Variants in IRGQ observed in about 807,000 individuals in gnomAD.
IRGQ encodes immunity-related GTPase family Q protein.
IRGQ carries 5 observed loss-of-function variants against 10.5 expected under a neutral mutation model. The observed-to-expected ratio is 0.48, with a 90% CI of 0.25 to 1.00. IRGQ has a LOEUF of 1.00. Among genes scored for constraint, IRGQ ranks in the 50% least tolerant of loss-of-function variants. The pLI is 0.16. For missense variants in IRGQ, 792 were observed against 877.7 expected, an observed-to-expected ratio of 0.90 and a Z score of 1.23; for synonymous variants, 418 against 426.0, an observed-to-expected ratio of 0.98 and a Z score of 0.23.
chr19:43,593,058 G>T lies in IRGQ; in HGVS notation c.840C>A (p.Gly280=). 8 of 1,605,150 alleles carry T rather than the reference G, an allele frequency of 5.0e-6. No homozygotes were observed. The highest frequency in any genetic ancestry group is 6.8e-6 in the Non-Finnish European group (8 of 1,174,618). Residue 280 remains glycine, a synonymous_variant, in exon 3 of 3, where the codon GGC becomes GGA. Transcript: ENST00000422989. This position sits in a 1 kb window ranked among gnomAD's most constrained non-coding sequence, Gnocchi z 6.4. ...CCGCGGTGGTGGCAGTGCCCGTGTGGCCCAGAGGCACGGTCCAGAGCACCA... is the reference window on the plus strand; with the variant it reads ...CCGCGGTGGTGGCAGTGCCCGTGTGTCCCAGAGGCACGGTCCAGAGCACCA... ...PNVVLWTVPL[G]HTGTATTAAA... is the part of the protein sequence containing the mutation.
Position 43,595,191 on chromosome 19 carries a change from T to C in IRGQ, c.148A>G (p.Arg50Gly). 6.2e-7 allele frequency: 1 copy of C among 1,611,986 alleles called. No individual in the cohort carries two copies. Among genetic ancestry groups the C allele is most frequent in the Non-Finnish European group, 8.5e-7 (1 of 1,179,526 alleles). The change falls in exon 2 of 3, where the codon AGA (arginine) becomes GGA (glycine). Residue 50 changes from arginine to glycine, a missense_variant. Arg to Gly is a moderately radical substitution (Grantham distance 125, BLOSUM62 -2). Transcript: ENST00000422989. ...GRPDSGVPSL[R>G]AAGPGLFLGE... ...AGAAAAAGGCCTGGGCCCGCAGCTCTTAGGCTGGGAACCCCGGAGTCCGGC... is the reference window on the plus strand; with the variant it reads ...AGAAAAAGGCCTGGGCCCGCAGCTCCTAGGCTGGGAACCCCGGAGTCCGGC...
chr19:43,592,685 C>T lies in IRGQ; in HGVS notation c.1213G>A (p.Gly405Ser), dbSNP rs1973076637. ...QQVVGMKKSG[G>S]GDSERAAALS... ...GCAGCGGCCCGCTCTGAGTCGCCAC[C>T]ACCTGATTTCTTCATGCCGACAACC... The change falls in exon 3 of 3, where the codon GGT becomes AGT. Residue 405 changes from glycine (G) to serine (S), a missense_variant. Physicochemically the swap from Gly to Ser is moderately conservative, Grantham distance 56 (BLOSUM62 0). Coordinates refer to ENST00000422989, the MANE Select transcript of IRGQ (RefSeq NM_001007561.3). 3 of 1,607,896 alleles carry T rather than the reference C, an allele frequency of 1.9e-6. No individual in the cohort carries two copies. In the South Asian group the frequency reaches 3.3e-5, roughly 18 times the overall value.
In IRGQ at chr19:43,592,614, C is replaced by T. The variant is rs749810122; in HGVS notation, c.1284G>A (p.Pro428=). The T allele has an allele frequency of 1.2e-6, 2 of 1,601,510 alleles. No homozygotes were observed. Among genetic ancestry groups the T allele is most frequent in the South Asian group, 2.2e-5 (2 of 91,070 alleles). ...CAGGCCGTAGGGGGAACACTGGCGG[C>T]GGCGCCTCCTCCAGCACCTCCCACG... The part of the protein sequence containing the change: ...DETWEVLEEA[P]PPVFPLRPGG... Residue 428 remains proline (P), a synonymous_variant, in exon 3 of 3, where the codon CCG becomes CCA. Transcript: ENST00000422989.
rs766377558 is a variant in IRGQ, at chr19:43,592,734, T to C, written c.1164A>G (p.Lys388=). 2 of 1,611,918 alleles carry C rather than the reference T, an allele frequency of 1.2e-6. No homozygotes were observed. The highest frequency in any genetic ancestry group is 3.3e-5 in the Admixed American group (2 of 60,032). The change falls in exon 3 of 3, where the codon AAA becomes AAG. Residue 388 remains lysine (K), a synonymous_variant. Transcript: ENST00000422989. ...QKAGSGEGPG[K]AGSEGLQQVV... ...CCTGCTGCAAACCCTCGCTGCCAGC[T>C]TTCCCAGGACCTTCCCCGCTGCCTG...
Position 43,588,309 on chromosome 19 carries a change from G to C in IRGQ, c.*3717C>G, listed in dbSNP as rs887480363. 2 of 152,062 alleles carry C rather than the reference G, an allele frequency of 1.3e-5. No individual in the cohort carries two copies. The highest frequency in any genetic ancestry group is 4.8e-5 in the African/African-American group (2 of 41,406). 9.4% of individuals were successfully genotyped at this position (152,062 alleles called of 1,614,324 possible). A position where few individuals can be genotyped will look rare whatever the true frequency, so the allele number is the denominator to read the frequency against. On this transcript the variant is annotated 3_prime_UTR_variant, in exon 3 of 3. Transcript: ENST00000422989. ...TAGCTGGGCATGATGGTGCATGCCT[G>C]TAATCCCAGCTACTTGGGAGGCTGA...
In IRGQ at chr19:43,592,725, G is replaced by A. The variant is rs140503327; in HGVS notation, c.1173C>T (p.Ser391=). Residue 391 remains serine (S), a synonymous_variant, in exon 3 of 3, where the codon AGC becomes AGT. Coordinates refer to ENST00000422989, the MANE Select transcript of IRGQ (RefSeq NM_001007561.3). The part of the protein sequence containing the change: ...GSGEGPGKAG[S]EGLQQVVGMK... ...TGCCGACAACCTGCTGCAAACCCTC[G>A]CTGCCAGCTTTCCCAGGACCTTCCC... 5.0e-6 allele frequency: 8 copies of A among 1,610,846 alleles called. No homozygotes were observed. In the African/African-American group the frequency reaches 9.3e-5, roughly 19 times the overall value.
At position 43,592,486 on chromosome 19, in the gene IRGQ, CG is replaced by C; in HGVS notation, c.1411del (p.Arg471GlufsTer81). The C allele has an allele frequency of 6.3e-7, 1 of 1,593,092 alleles. No homozygotes were observed. The highest frequency in any genetic ancestry group is 1.3e-5 in the African/African-American group (1 of 74,894). ...ALPPASPSAA[R>X]TKAAALRAGA... is the part of the protein sequence containing the mutation. The stretch of plus-strand genomic sequence containing the variant: ...GGCTCGCAACGCCGCAGCCTTGGTT[CG>C]GGCAGCGCTGGGAGATGCTGGTGGC... On this transcript the variant is annotated frameshift_variant, in exon 3 of 3. Transcript: ENST00000422989. LOFTEE classifies it high-confidence loss of function.
Position 43,595,111 on chromosome 19 carries a change from G to C in IRGQ, c.228C>G (p.Asn76Lys). ...AAPGPWAAEA[N>K]VLVLVLPGPE... Reference sequence around the variant, plus strand: ...GTCCGGGCAGCACCAGTACCAGCACGTTGGCTTCCGCCGCCCAGGGCCCCG... The same window carrying C: ...GTCCGGGCAGCACCAGTACCAGCACCTTGGCTTCCGCCGCCCAGGGCCCCG... Residue 76 changes from asparagine to lysine, a missense_variant, in exon 2 of 3, where the codon AAC (asparagine) becomes AAG (lysine). Asn to Lys is a moderately conservative substitution (Grantham distance 94, BLOSUM62 0). Transcript: ENST00000422989. 6.2e-7 allele frequency: 1 copy of C among 1,603,180 alleles called. No individual in the cohort carries two copies. Among genetic ancestry groups the C allele is most frequent in the Non-Finnish European group, 8.5e-7 (1 of 1,173,978 alleles).
rs1973061779 is a variant in IRGQ, at chr19:43,592,010, AG to A, written c.*15del. The A allele has an allele frequency of 3.2e-6, 5 of 1,564,866 alleles. No individual in the cohort carries two copies. Among genetic ancestry groups the A allele is most frequent in the East Asian group, 2.3e-5 (1 of 44,212 alleles). On this transcript the variant is annotated 3_prime_UTR_variant, in exon 3 of 3. Transcript: ENST00000422989. ...TCCCCTGTCAGAGTCTGGACTCCCAAGCCCCCTCCCACTCCTCACTGGGCAG... is the reference window on the plus strand; with the variant it reads ...TCCCCTGTCAGAGTCTGGACTCCCAACCCCCTCCCACTCCTCACTGGGCAG...
rs1329681270 is a variant in IRGQ, at chr19:43,589,699, GTAAA to G, written c.*2323_*2326del. Reference sequence around the variant, plus strand: ...CAACGGGTCAAAAGCCAATAAACAGGTAAATAAATAAGATCATTTTTGACAGTAA... The same window carrying G: ...CAACGGGTCAAAAGCCAATAAACAGGTAAATAAGATCATTTTTGACAGTAA... On this transcript the variant is annotated 3_prime_UTR_variant, in exon 3 of 3. Coordinates refer to ENST00000422989, the MANE Select transcript of IRGQ (RefSeq NM_001007561.3). The G allele has an allele frequency of 6.6e-6, 1 of 152,154 alleles. No homozygotes were observed. Among genetic ancestry groups the G allele is most frequent in the Non-Finnish European group, 1.5e-5 (1 of 68,048 alleles). 9.4% of individuals were successfully genotyped at this position (152,154 alleles called of 1,614,324 possible). A position where few individuals can be genotyped will look rare whatever the true frequency, so the allele number is the denominator to read the frequency against.
Position 43,595,427 on chromosome 19 carries a change from A to C in IRGQ, c.-2-87T>G. 2.3e-6 allele frequency: 3 copies of C among 1,279,246 alleles called. No homozygotes were observed. In the South Asian group the frequency reaches 4.5e-5, roughly 19 times the overall value. The allele number at this position is 1,279,246 out of a possible 1,614,324, so 79.2% of individuals were successfully genotyped here. ...CCGCCCCACTCGGAACCCAGGCCTC[A>C]GTCCTTCACCCTGTCCCCTTCGGTT... On this transcript the variant is annotated intron_variant, in intron 1 of 2. Coordinates refer to ENST00000422989, the MANE Select transcript of IRGQ (RefSeq NM_001007561.3).
In IRGQ at chr19:43,588,068, G is replaced by C. The variant is rs1455462763; in HGVS notation, c.*3958C>G. Reference sequence around the variant, plus strand: ...CTCAGCACTTTGGGAGGCTGAGGTGGGCAGATAACTTGAGGCCATGAGTTC... The same window carrying C: ...CTCAGCACTTTGGGAGGCTGAGGTGCGCAGATAACTTGAGGCCATGAGTTC... On this transcript the variant is annotated 3_prime_UTR_variant, in exon 3 of 3. Transcript: ENST00000422989. The C allele has an allele frequency of 6.6e-6, 1 of 152,170 alleles. No homozygotes were observed. The highest frequency in any genetic ancestry group is 1.5e-5 in the Non-Finnish European group (1 of 68,046). 9.4% of individuals were successfully genotyped at this position (152,170 alleles called of 1,614,324 possible).
chr19:43,591,991 G>A lies in IRGQ; in HGVS notation c.*35C>T. ...CCAGGATTAAGCCCAGGCATCCCCT[G>A]TCAGAGTCTGGACTCCCAAGCCCCC... On this transcript the variant is annotated 3_prime_UTR_variant, in exon 3 of 3. Coordinates refer to ENST00000422989, the MANE Select transcript of IRGQ (RefSeq NM_001007561.3). 1 of 1,542,284 alleles carries A rather than the reference G, an allele frequency of 6.5e-7. No homozygotes were observed.
chr19:43,594,731 G>A, intron 2 of IRGQ, 78 bp downstream of exon 2: 3 of 1,249,480 alleles, frequency 2.4e-6, no homozygotes, highest in Non-Finnish European at 3.3e-6. Flanking sequence ...CTGGGGGAGG[G>A]ATCTCATGGA....
intron 1 of IRGQ, chr19:43,595,662 G>A (rs963454036): frequency 4.2e-4 from 97 of 229,390 alleles, no homozygotes; most frequent in African/African-American, 2.1e-3. Flanking sequence ...CCAGGAATTC[G>A]AGACCAGCCT....
Position 43,592,959 on chromosome 19 carries a change from C to T in IRGQ, c.939G>A (p.Trp313Ter). ...VTPGAPTEKD[W>*]AQVQALLLPD... The stretch of plus-strand genomic sequence containing the variant: ...GTAGCAGCAAGGCCTGGACCTGGGC[C>T]CAGTCCTTCTCAGTGGGGGCCCCAG... The change falls in exon 3 of 3, where the codon TGG becomes TGA. Residue 313 changes from tryptophan to a stop codon, truncating the protein, a stop_gained. Coordinates refer to ENST00000422989, the MANE Select transcript of IRGQ (RefSeq NM_001007561.3). LOFTEE classifies it low-confidence loss of function (END_TRUNC). 1 of 1,609,720 alleles carries T rather than the reference C, an allele frequency of 6.2e-7. No homozygotes were observed. The highest frequency in any genetic ancestry group is 8.5e-7 in the Non-Finnish European group (1 of 1,179,990).
chr19:43,593,367 C>A lies in IRGQ; in HGVS notation c.531G>T (p.Arg177Ser), dbSNP rs764062784. ...AGCCATCCTGCGCCGGTGGCAGGAGCCTGTGGGGACAAGAAGGGACAGGGT... is the reference window on the plus strand; with the variant it reads ...AGCCATCCTGCGCCGGTGGCAGGAGACTGTGGGGACAAGAAGGGACAGGGT... ...ALQSQAEALR[R>S]LLPPAQDGFE... Residue 177 changes from arginine (R) to serine (S), a missense_variant and splice_region_variant, in exon 3 of 3, where the codon AGG (arginine) becomes AGT (serine). Arg to Ser is a moderately radical substitution (Grantham distance 110). Transcript: ENST00000422989. The surrounding 1 kb of genome is among the most constrained non-coding windows in gnomAD (Gnocchi z 6.4). 4 of 1,507,826 alleles carry A rather than the reference C, an allele frequency of 2.7e-6. No homozygotes were observed. The highest frequency in any genetic ancestry group is 1.8e-6 in the Non-Finnish European group (2 of 1,126,682). 93.4% of individuals were successfully genotyped at this position (1,507,826 alleles called of 1,614,324 possible).
rs1428046729 is a variant in IRGQ at position 43,593,028 on chromosome 19, G to A, written c.870C>T (p.Ala290=). Residue 290 remains alanine, a synonymous_variant, in exon 3 of 3, where the codon GCC becomes GCT. Transcript: ENST00000422989. The surrounding 1 kb of genome is among the most constrained non-coding windows in gnomAD (Gnocchi z 6.4). ...CGTCGTAGTGCGTTGGGTGAGAGGCGGCGGCCGCGGTGGTGGCAGTGCCCG... is the reference window on the plus strand; with the variant it reads ...CGTCGTAGTGCGTTGGGTGAGAGGCAGCGGCCGCGGTGGTGGCAGTGCCCG... The part of the protein sequence containing the change: ...GHTGTATTAA[A]ASHPTHYDAL... 1.2e-6 allele frequency: 2 copies of A among 1,605,534 alleles called. No individual in the cohort carries two copies. Among genetic ancestry groups the A allele is most frequent in the Non-Finnish European group, 1.7e-6 (2 of 1,175,986 alleles).
rs757677370 is a variant in IRGQ, at chr19:43,592,780, C to T, written c.1118G>A (p.Cys373Tyr). ...ENALSKGREK[C>Y]SAGSQKAGSG... ...GCCTGCTTTCTGCGATCCAGCGCTACATTTCTCCCTTCCCTTACTGAGTGC... is the reference window on the plus strand; with the variant it reads ...GCCTGCTTTCTGCGATCCAGCGCTATATTTCTCCCTTCCCTTACTGAGTGC... Residue 373 changes from cysteine to tyrosine, a missense_variant, in exon 3 of 3, where the codon TGT becomes TAT. Cys to Tyr is a radical substitution (Grantham distance 194). Transcript: ENST00000422989. The T allele has an allele frequency of 6.2e-7, 1 of 1,613,856 alleles. No individual in the cohort carries two copies. Among genetic ancestry groups the T allele is most frequent in the Admixed American group, 1.7e-5 (1 of 60,038 alleles).
Sources: gnomAD v4.1 joint callset for allele counts on GRCh38, gnomAD v4.1.1 for gene constraint, Gnocchi (gnomAD v3.1) non-coding constraint, MANE v1.5 for transcripts, NCBI Gene and HGNC (gene_info 2026-07-23, HGNC 2026-07-21) for gene names.